PALLD: variants seen among roughly 807,000 people sequenced by gnomAD.
The protein encoded by PALLD is palladin, cytoskeletal associated protein.
Under a neutral mutation model 123.5 loss-of-function variants are expected in PALLD, and 61 were observed. The ratio of observed to expected loss-of-function variants is 0.49; its 90% CI spans 0.40 to 0.61. PALLD has a LOEUF of 0.61. PALLD is among the 20% of genes least tolerant of loss of function. The pLI, the probability that PALLD is intolerant of heterozygous loss-of-function variation, is 0.00. For synonymous variants in PALLD, 465 were observed against 496.4 expected (o/e 0.94, Z 0.84); for missense variants, 1,273 against 1,377.0 (o/e 0.92, Z 1.20).
chr4:168,512,873 AT>A (rs959745575), intron 2 of PALLD, among the ~76,000 whole-genome samples: 1 of 152,136 alleles, frequency 6.6e-6, no homozygotes. Context: ...CCAATAACGC[AT>A]TAAAGGGAAC....
At position 168,516,787 on chromosome 4, in the gene PALLD, G is replaced by A. The variant is rs116576072; in HGVS notation, c.908+4375G>A. 1.6e-3 allele frequency among the ~76,000 whole-genome samples: 239 copies of A among 152,284 alleles called. 1 individual carries two copies. Among genetic ancestry groups the A allele is most frequent in the African/African-American group, 5.7e-3 (237 of 41,554 alleles). On this transcript the variant is annotated intron_variant, in intron 2 of 21. Coordinates refer to ENST00000505667, the MANE Select transcript of PALLD (RefSeq NM_001166108.2). The stretch of plus-strand genomic sequence containing the variant: ...TTGCCACCTTTAAAAATCTACGCTT[G>A]GAATTCATATTCCAAATATCTTCAA...
At position 168,624,461 on chromosome 4, in the gene PALLD, C is replaced by T. The variant is rs368455907; in HGVS notation, c.909-43729C>T. Among the ~76,000 whole-genome samples the T allele has an allele frequency of 5.9e-5, 9 of 152,242 alleles. No homozygotes were observed. The South Asian group carries it at 1.5e-3, about 25-fold the overall frequency. ...TCTTAGCATAATAAAATAGATCATTCTCATCCCAAAGCCCACATCATGCCC... is the reference window on the plus strand; with the variant it reads ...TCTTAGCATAATAAAATAGATCATTTTCATCCCAAAGCCCACATCATGCCC... On this transcript the variant is annotated intron_variant, in intron 2 of 21. Transcript: ENST00000505667.
At chr4:168,813,391 T>C (rs1199844559) in intron 10 of PALLD, among the ~76,000 whole-genome samples, 1 of 152,176 alleles carries the variant, frequency 6.6e-6, no homozygotes, top group Non-Finnish European at 1.5e-5. Flanking sequence ...TTCCCCTGCT[T>C]TGGAGCAAGG....
At chr4:168,644,709 T>G (rs1168853622) in intron 2 of PALLD, among the ~76,000 whole-genome samples, 1 of 152,212 alleles carries the variant, frequency 6.6e-6, no homozygotes, top group Admixed American at 6.5e-5. Context: ...TCTCTTCATC[T>G]CCTCTGTACC....
intron 10 of PALLD, among the ~76,000 whole-genome samples, chr4:168,737,096 A>G (rs997195420): frequency 6.6e-6 from 1 of 152,198 alleles, no homozygotes; most frequent in Non-Finnish European, 1.5e-5. Flanking sequence ...CATTCTATGC[A>G]TGCAAAAAAG....
intron 10 of PALLD, among the ~76,000 whole-genome samples, chr4:168,849,236 T>C (rs1391818966): frequency 6.6e-6 from 1 of 152,250 alleles, no homozygotes; most frequent in Non-Finnish European, 1.5e-5. Context: ...CTGATTGTAA[T>C]GCGTTCCAGA....
intron 2 of PALLD, among the ~76,000 whole-genome samples, chr4:168,627,763 C>G (rs944365820): frequency 6.6e-6 from 1 of 152,100 alleles, no homozygotes; most frequent in Non-Finnish European, 1.5e-5. Flanking sequence ...CGTGGAGTTT[C>G]AAGAACTGAA....
At chr4:168,587,582 T>G (rs1770962121) in intron 2 of PALLD, among the ~76,000 whole-genome samples, 1 of 152,080 alleles carries the variant, frequency 6.6e-6, no homozygotes, top group South Asian at 2.1e-4. Flanking sequence ...TGCCAGCATC[T>G]CCCAACTTTT....
At chr4:168,926,126 C>A in intron 21 of PALLD, 87 bp from the exon 22 acceptor site, 2 of 1,132,210 alleles carry the variant, frequency 1.8e-6, no homozygotes, top group Non-Finnish European at 1.2e-6. Context: ...TTGCATCTAT[C>A]TAGACATTCT....
intron 2 of PALLD, among the ~76,000 whole-genome samples, chr4:168,584,959 TC>T (rs1770663757): frequency 6.6e-6 from 1 of 152,158 alleles, no homozygotes. Context: ...CTAGTAGAGT[TC>T]CCCCCTTTCT....
Position 168,544,474 on chromosome 4 carries a change from G to C in PALLD, c.908+32062G>C, listed in dbSNP as rs1390070632. Among the ~76,000 whole-genome samples the C allele has an allele frequency of 4.6e-5, 7 of 152,138 alleles. 1 individual carries two copies. The highest frequency in any genetic ancestry group is 1.0e-4 in the Non-Finnish European group (7 of 68,030). On this transcript the variant is annotated intron_variant, in intron 2 of 21. Coordinates refer to ENST00000505667, the MANE Select transcript of PALLD (RefSeq NM_001166108.2). ...TATCCATTAATGGAAAACTTCCCAG[G>C]ATCTACTAGGCATTTAAAGATGGGA...
At chr4:168,763,248 A>G (rs1466478887) in intron 10 of PALLD, among the ~76,000 whole-genome samples, 2 of 152,224 alleles carry the variant, frequency 1.3e-5, no homozygotes, top group Non-Finnish European at 2.9e-5. Flanking sequence ...CACTGTTTTA[A>G]TCTATGAAAT....
At chr4:168,525,029 C>T (rs932131908) in intron 2 of PALLD, among the ~76,000 whole-genome samples, 1 of 152,054 alleles carries the variant, frequency 6.6e-6, no homozygotes, top group Non-Finnish European at 1.5e-5. Flanking sequence ...ACTTGTAATC[C>T]GTTATAGTAC....
intron 15 of PALLD, among the ~76,000 whole-genome samples, chr4:168,906,907 T>G (rs1045963165): frequency 6.6e-6 from 1 of 152,038 alleles, no homozygotes; most frequent in Non-Finnish European, 1.5e-5. Flanking sequence ...AAAAAAGAAA[T>G]GTTACTACAA....
intron 8 of PALLD, among the ~76,000 whole-genome samples, chr4:168,692,922 A>G (rs182121805): frequency 1.3e-5 from 2 of 152,366 alleles, no homozygotes; most frequent in African/African-American, 2.4e-5. Context: ...AAGTCAAAAC[A>G]TTAGTTAGAA....
intron 3 of PALLD, among the ~76,000 whole-genome samples, chr4:168,674,275 T>C (rs1780615875): frequency 6.6e-6 from 1 of 152,108 alleles, no homozygotes; most frequent in Non-Finnish European, 1.5e-5. Context: ...AGGCCGGTAG[T>C]TGCAAATATA....
chr4:168,518,334 T>C (rs1763196507), intron 2 of PALLD, among the ~76,000 whole-genome samples: 1 of 152,220 alleles, frequency 6.6e-6, no homozygotes, highest in African/African-American at 2.4e-5. Flanking sequence ...CATCACAGTC[T>C]ACACAGCACT....
intron 2 of PALLD, among the ~76,000 whole-genome samples, chr4:168,612,535 T>G (rs1050505927): frequency 6.6e-6 from 1 of 152,194 alleles, no homozygotes; most frequent in East Asian, 1.9e-4. Context: ...GGCTGCATTC[T>G]GGGGTAATAA....
At chr4:168,562,089 C>T (rs1767923428) in intron 2 of PALLD, among the ~76,000 whole-genome samples, 2 of 134,050 alleles carry the variant, frequency 1.5e-5, no homozygotes, top group Admixed American at 7.9e-5. Flanking sequence ...GCTCAAAGGT[C>T]ACAAGGATAA....
Sources: gnomAD v4.1 joint callset for allele counts (sites outside exome capture counted in the v4.1 genomes callset) on GRCh38, gnomAD v4.1.1 for gene constraint, MANE v1.5 for transcripts, NCBI Gene and HGNC (gene_info 2026-07-23, HGNC 2026-07-21) for gene names.